Variants in HMCN1 observed in about 807,000 individuals in gnomAD.
HMCN1 encodes hemicentin 1.
In HMCN1, 321 loss-of-function variants were observed where a neutral mutation model predicts 625.9. The ratio of observed to expected loss-of-function variants is 0.51; its 90% CI spans 0.47 to 0.56. The LOEUF is 0.56. HMCN1 is among the 20% of genes least tolerant of loss of function. The pLI is 0.00. For missense variants in HMCN1, 6,588 were observed against 6,887.3 expected (o/e 0.96, Z 1.54); for synonymous variants, 2,425 against 2,417.6 (o/e 1.00, Z -0.09).
intron 1 of HMCN1, among the ~76,000 whole-genome samples, chr1:185,738,033 G>A (rs1051773108): frequency 6.6e-6 from 1 of 152,192 alleles, no homozygotes; most frequent in African/African-American, 2.4e-5. Context: ...TACCAGAGAT[G>A]AACGGGGGTC....
chr1:186,040,979 C>G (rs1488469481), intron 39 of HMCN1, 34 bp from the exon 40 acceptor site: 1 of 1,608,426 alleles, frequency 6.2e-7, no homozygotes, highest in Admixed American at 1.7e-5. Flanking sequence ...TTCTCAGAGA[C>G]ATATTGGTTA....
intron 4 of HMCN1, among the ~76,000 whole-genome samples, chr1:185,871,853 A>G (rs1381698773): frequency 3.3e-5 from 5 of 152,354 alleles, no homozygotes; most frequent in East Asian, 1.9e-4. Context: ...AGCTTTCTGC[A>G]TATGGGCTCA....
chr1:185,744,890 A>G (rs1310044797), intron 1 of HMCN1, among the ~76,000 whole-genome samples: 2 of 152,138 alleles, frequency 1.3e-5, no homozygotes, highest in Non-Finnish European at 2.9e-5. Flanking sequence ...TATCTCCTGG[A>G]TGGATTGGAA....
chr1:185,805,276 C>T (rs1469198204), intron 1 of HMCN1, among the ~76,000 whole-genome samples: 2 of 152,068 alleles, frequency 1.3e-5, no homozygotes, highest in African/African-American at 4.8e-5. Context: ...TTTTATTTCC[C>T]AAAATATTTT....
At chr1:185,758,367 G>T (rs1009808060) in intron 1 of HMCN1, among the ~76,000 whole-genome samples, 9 of 152,200 alleles carry the variant, frequency 5.9e-5, no homozygotes, top group African/African-American at 2.2e-4. Flanking sequence ...CAGGTGTGGT[G>T]GCTCATACCT....
intron 14 of HMCN1, 109 bp downstream of exon 14, chr1:185,966,024 A>T (rs1650386547): frequency 1.3e-6 from 1 of 749,250 alleles, no homozygotes; most frequent in African/African-American, 1.7e-5. Context: ...AGCCCCATAA[A>T]ATGTGTTTAT....
At chr1:185,931,351 C>T (rs915946955) in intron 10 of HMCN1, among the ~76,000 whole-genome samples, 2 of 152,140 alleles carry the variant, frequency 1.3e-5, no homozygotes, top group Admixed American at 6.6e-5. Flanking sequence ...AATCTGTAAT[C>T]TTGGCCTCCT....
intron 86 of HMCN1, among the ~76,000 whole-genome samples, chr1:186,136,031 C>A (rs960485581): frequency 4.6e-5 from 7 of 152,082 alleles, no homozygotes; most frequent in African/African-American, 1.7e-4. Flanking sequence ...AGTTAATTAG[C>A]CAGGCGTGGT....
chr1:186,187,073 C>T (rs998365528), intron 105 of HMCN1, among the ~76,000 whole-genome samples: 1 of 151,476 alleles, frequency 6.6e-6, no homozygotes, highest in Non-Finnish European at 1.5e-5. Flanking sequence ...TCCCCTGATG[C>T]CCAAAAATAA....
chr1:186,004,741 A>G (rs1229324817), intron 29 of HMCN1, among the ~76,000 whole-genome samples: 1 of 152,142 alleles, frequency 6.6e-6, no homozygotes, highest in Non-Finnish European at 1.5e-5. Flanking sequence ...AATTTGATGC[A>G]CATACACTGT....
intron 4 of HMCN1, among the ~76,000 whole-genome samples, chr1:185,894,814 A>G (rs1044200276): frequency 1.3e-5 from 2 of 152,184 alleles, no homozygotes; most frequent in African/African-American, 4.8e-5. Flanking sequence ...CTTTAGATTG[A>G]GCTATAGGAT....
chr1:185,811,805 A>G (rs1659537371), intron 1 of HMCN1, among the ~76,000 whole-genome samples: 1 of 152,100 alleles, frequency 6.6e-6, no homozygotes, highest in Admixed American at 6.6e-5. Flanking sequence ...GATTAAATGA[A>G]ATGCTGAACA....
At chr1:186,170,627 C>T (rs1558278966) in intron 100 of HMCN1, among the ~76,000 whole-genome samples, 1 of 152,042 alleles carries the variant, frequency 6.6e-6, no homozygotes, top group Non-Finnish European at 1.5e-5. Flanking sequence ...CAGTCCTCAT[C>T]TTGGTGAGGA....
At chr1:185,837,829 T>A (rs1279185243) in intron 1 of HMCN1, among the ~76,000 whole-genome samples, 1 of 152,224 alleles carries the variant, frequency 6.6e-6, no homozygotes, top group Non-Finnish European at 1.5e-5. Flanking sequence ...TGGTTAGCTG[T>A]AGGCACCATC....
chr1:186,103,530 C>G lies in HMCN1; in HGVS notation c.10632C>G (p.Asn3544Lys). ...EHEEISVIVNNPLELTCIASG... is the reference protein window; with the variant it reads ...EHEEISVIVNKPLELTCIASG... The stretch of plus-strand genomic sequence containing the variant: ...AAGAGATATCAGTAATTGTTAATAA[C>G]CCACTTGAACTTACCTGCATTGCTT... The change falls in exon 69 of 107, where the codon AAC becomes AAG. Residue 3544 changes from asparagine (N) to lysine (K), a missense_variant. By Grantham distance (94) the Asn-to-Lys change is moderately conservative (BLOSUM62 0). Transcript: ENST00000271588. 6.2e-7 allele frequency: 1 copy of G among 1,613,662 alleles called. No homozygotes were observed. Among genetic ancestry groups the G allele is most frequent in the Admixed American group, 1.7e-5 (1 of 59,988 alleles).
chr1:186,186,452 A>G lies in HMCN1; in HGVS notation c.16415-1431A>G, dbSNP rs143122857. Among the ~76,000 whole-genome samples, 135 of 152,286 alleles carry G rather than the reference A, an allele frequency of 8.9e-4. 2 individuals are homozygous for G. In the East Asian group the frequency reaches 0.024, roughly 27 times the overall value. ...TGAGGCAGGAGAATCACTTGAGCCC[A>G]GGAGGCGGAGCTTGCAATGAGCTGA... On this transcript the variant is annotated intron_variant, in intron 105 of 106. Transcript: ENST00000271588.
chr1:186,010,207 A>ATG (rs750391210), intron 30 of HMCN1, among the ~76,000 whole-genome samples: 3 of 151,642 alleles, frequency 2.0e-5, no homozygotes, highest in Non-Finnish European at 4.4e-5. Context: ...GTGTGTATAT[A>ATG]TGTGTGTGTG....
At chr1:185,924,266 T>G (rs1329763522) in intron 8 of HMCN1, among the ~76,000 whole-genome samples, 1 of 136,376 alleles carries the variant, frequency 7.3e-6, no homozygotes, top group African/African-American at 2.7e-5. Flanking sequence ...AGTCTCGCTC[T>G]GTTGCCCAGG....
chr1:186,048,894 C>A, intron 42 of HMCN1, 55 bp downstream of exon 42: 1 of 1,030,482 alleles, frequency 9.7e-7, no homozygotes, highest in Non-Finnish European at 1.5e-6. Context: ...TTTTGTGTCA[C>A]TTAAAATGAC....
Sources: gnomAD v4.1 joint callset for allele counts (sites outside exome capture counted in the v4.1 genomes callset) on GRCh38, gnomAD v4.1.1 for gene constraint, MANE v1.5 for transcripts, NCBI Gene and HGNC (gene_info 2026-07-23, HGNC 2026-07-21) for gene names.